Variants in PTPRM observed in about 807,000 individuals in gnomAD.
PTPRM encodes the protein receptor-type tyrosine-protein phosphatase mu.
Under a neutral mutation model 186.7 loss-of-function variants are expected in PTPRM, and 47 were observed. The observed-to-expected ratio is 0.25, with a 90% CI of 0.20 to 0.32. PTPRM has a LOEUF of 0.32. Ranked by LOEUF, PTPRM falls within the 10% of genes least tolerant of loss-of-function variation. The pLI is 1.00. For missense variants in PTPRM, 1,494 were observed against 1,865.0 expected, an observed-to-expected ratio of 0.80 and a Z score of 3.66; for synonymous variants, 668 against 674.9, an observed-to-expected ratio of 0.99 and a Z score of 0.16.
rs112940855 is a variant in PTPRM at position 8,355,855 on chromosome 18, G to A, written c.3054+12335G>A. Among the ~76,000 whole-genome samples, 374 of 152,338 alleles carry A rather than the reference G, an allele frequency of 2.5e-3. 1 individual carries two copies. Among genetic ancestry groups the A allele is most frequent in the Non-Finnish European group, 4.1e-3 (280 of 68,038 alleles). On this transcript the variant is annotated intron_variant, in intron 23 of 32. Transcript: ENST00000580170. ...TCCAGAGGGCTAGTGAGCCAAATGG[G>A]TCTCACAGCCAGACAGTCTAGTCAA... is the stretch of plus-strand genomic sequence containing the variant.
intron 7 of PTPRM, among the ~76,000 whole-genome samples, chr18:7,987,345 A>C (rs1166404195): frequency 6.6e-6 from 1 of 152,240 alleles, no homozygotes; most frequent in Non-Finnish European, 1.5e-5. Flanking sequence ...TGGCTAAGCC[A>C]CCAGTAAGGG....
Position 8,387,068 on chromosome 18 carries a change from G to A in PTPRM, c.4045-4G>A, listed in dbSNP as rs375938848. On this transcript the variant is annotated splice_region_variant and splice_polypyrimidine_tract_variant and intron_variant, in intron 30 of 32. Coordinates refer to ENST00000580170, the MANE Select transcript of PTPRM (RefSeq NM_001105244.2). ...CTCCCCGATTGTTGCCTTGTTCTTCGTAGCCCCAAGATGGATATCGGATGG... is the reference window on the plus strand; with the variant it reads ...CTCCCCGATTGTTGCCTTGTTCTTCATAGCCCCAAGATGGATATCGGATGG... The A allele has an allele frequency of 5.9e-5, 94 of 1,598,336 alleles. 1 individual carries two copies. Among genetic ancestry groups the A allele is most frequent in the African/African-American group, 9.4e-5 (7 of 74,630 alleles).
chr18:7,862,433 T>A (rs2047438904), intron 2 of PTPRM, among the ~76,000 whole-genome samples: 2 of 152,154 alleles, frequency 1.3e-5, no homozygotes, highest in Admixed American at 1.3e-4. Flanking sequence ...AATACCACAT[T>A]CAGGTGTTTT....
At chr18:7,822,134 A>G (rs1249346880) in intron 2 of PTPRM, among the ~76,000 whole-genome samples, 1 of 152,148 alleles carries the variant, frequency 6.6e-6, no homozygotes, top group Non-Finnish European at 1.5e-5. Flanking sequence ...CTTGCCCCTG[A>G]TGTGTACTTT....
rs150005711 is a variant in PTPRM, at chr18:7,642,121, G to A, written c.73+74230G>A. ...TAACAATACTAGGTTATTGACTCACGGTTCTGTGAAGGAAAGAAAATTGAA... is the reference window on the plus strand; with the variant it reads ...TAACAATACTAGGTTATTGACTCACAGTTCTGTGAAGGAAAGAAAATTGAA... On this transcript the variant is annotated intron_variant, in intron 1 of 32. Coordinates refer to ENST00000580170, the MANE Select transcript of PTPRM (RefSeq NM_001105244.2). Among the ~76,000 whole-genome samples, 78 of 152,234 alleles carry A rather than the reference G, an allele frequency of 5.1e-4. 1 individual carries two copies. Among genetic ancestry groups the A allele is most frequent in the African/African-American group, 1.8e-3 (74 of 41,554 alleles).
chr18:7,697,633 A>G (rs949555175), intron 1 of PTPRM, among the ~76,000 whole-genome samples: 1 of 152,202 alleles, frequency 6.6e-6, no homozygotes, highest in African/African-American at 2.4e-5. Flanking sequence ...CAGCGAGGTG[A>G]TCCTTGTCAA....
At position 7,774,066 on chromosome 18, in the gene PTPRM, G is replaced by T. The variant is rs1221653010; in HGVS notation, c.74-83G>T. 2.8e-6 allele frequency: 4 copies of T among 1,425,864 alleles called. No individual in the cohort carries two copies. In the African/African-American group the frequency reaches 4.3e-5, roughly 15 times the overall value. 88.3% of individuals were successfully genotyped at this position (1,425,864 alleles called of 1,614,324 possible). Reference sequence around the variant, plus strand: ...AGTTTGGCATCAAACTTGGCATCAAGTCTAAGGCTTCCTGCAATCATCATA... The same window carrying T: ...AGTTTGGCATCAAACTTGGCATCAATTCTAAGGCTTCCTGCAATCATCATA... On this transcript the variant is annotated intron_variant, in intron 1 of 32. Coordinates refer to ENST00000580170, the MANE Select transcript of PTPRM (RefSeq NM_001105244.2).
chr18:8,076,393 A>G, intron 8 of PTPRM, 62 bp from the exon 9 acceptor site: 1 of 978,596 alleles, frequency 1.0e-6, no homozygotes, highest in Non-Finnish European at 1.6e-6. Context: ...AACCAAGTCT[A>G]GAAAAATCTA....
At position 7,876,962 on chromosome 18, in the gene PTPRM, G is replaced by T. The variant is rs1047853041; in HGVS notation, c.197-11144G>T. Among the ~76,000 whole-genome samples, 6 of 152,184 alleles carry T rather than the reference G, an allele frequency of 3.9e-5. No homozygotes were observed. The East Asian group carries it at 1.2e-3, about 29-fold the overall frequency. On this transcript the variant is annotated intron_variant, in intron 2 of 32. Transcript: ENST00000580170. ...CTTAACCCCTCTATGCCTGAGTTCT[G>T]TCCTTGTCTGTAATGAGTAAAAGAG...
intron 7 of PTPRM, among the ~76,000 whole-genome samples, chr18:8,002,019 T>G (rs991196019): frequency 6.6e-6 from 1 of 152,192 alleles, no homozygotes; most frequent in African/African-American, 2.4e-5. Context: ...TATTGTTAAA[T>G]GTGGAAAACT....
chr18:8,367,335 G>A (rs2095636724), intron 23 of PTPRM, among the ~76,000 whole-genome samples: 1 of 152,244 alleles, frequency 6.6e-6, no homozygotes, highest in East Asian at 1.9e-4. Flanking sequence ...CCTGTGCTCG[G>A]GAGGGGCCTT....
intron 1 of PTPRM, among the ~76,000 whole-genome samples, chr18:7,582,249 G>A (rs538227893): frequency 9.2e-5 from 14 of 152,188 alleles, no homozygotes; most frequent in South Asian, 4.2e-4. Flanking sequence ...AGTTGGGCTC[G>A]GTATACTTTG....
At chr18:8,118,983 A>C (rs2092071548) in intron 13 of PTPRM, among the ~76,000 whole-genome samples, 1 of 151,740 alleles carries the variant, frequency 6.6e-6, no homozygotes, top group East Asian at 1.9e-4. Flanking sequence ...CAAAGCAAAA[A>C]CTTCACGTAA....
At chr18:7,678,197 A>T (rs1173147735) in intron 1 of PTPRM, among the ~76,000 whole-genome samples, 2 of 152,132 alleles carry the variant, frequency 1.3e-5, no homozygotes, top group Non-Finnish European at 2.9e-5. Flanking sequence ...CTCCCCACAA[A>T]GGGGTTGCCT....
intron 7 of PTPRM, among the ~76,000 whole-genome samples, chr18:8,033,598 GA>G (rs2086137241): frequency 6.6e-6 from 1 of 152,262 alleles, no homozygotes; most frequent in African/African-American, 2.4e-5. Flanking sequence ...TATTTGTGTA[GA>G]AAAGGTACAG....
At chr18:7,618,761 A>T (rs1941145) in intron 1 of PTPRM, among the ~76,000 whole-genome samples, 32,701 of 152,000 alleles carry the variant, frequency 0.22, 6,663 homozygotes, top group African/African-American at 0.51. Flanking sequence ...GCTAACCAGC[A>T]CCATAACGCT....
intron 19 of PTPRM, among the ~76,000 whole-genome samples, chr18:8,257,666 TA>T (rs2094586969): frequency 6.6e-6 from 1 of 152,228 alleles, no homozygotes; most frequent in South Asian, 2.1e-4. Flanking sequence ...TCTTTGGGGA[TA>T]AAATCTAAAG....
intron 11 of PTPRM, among the ~76,000 whole-genome samples, chr18:8,107,025 A>G (rs1328230888): frequency 6.6e-6 from 1 of 152,254 alleles, no homozygotes; most frequent in Non-Finnish European, 1.5e-5. Context: ...ATACAGGAAC[A>G]AAGCTATTTG....
chr18:8,314,721 C>T (rs2095295625), intron 20 of PTPRM, 60 bp from the exon 21 acceptor site: 1 of 1,277,698 alleles, frequency 7.8e-7, no homozygotes, highest in South Asian at 1.2e-5. Flanking sequence ...TTCTGGGGCT[C>T]AGAGCCACCT....
Sources: allele counts gnomAD v4.1 joint callset (sites outside exome capture counted in the v4.1 genomes callset), GRCh38; gene constraint gnomAD v4.1.1; transcripts MANE v1.5; gene names NCBI Gene and HGNC (gene_info 2026-07-23, HGNC 2026-07-21).